Variants in CWC27 observed in about 807,000 individuals in gnomAD.
CWC27 encodes the protein CWC27 spliceosome associated cyclophilin.
In CWC27, 47 loss-of-function variants were observed where a neutral mutation model predicts 63.6. The observed-to-expected ratio is 0.74, with a 90% CI of 0.58 to 0.94. CWC27 has a LOEUF of 0.94. CWC27 is among the 40% of genes least tolerant of loss of function. The probability of loss-of-function intolerance (pLI) is 0.00; values close to 1 mark genes in which losing one functional copy is unlikely to be tolerated. For synonymous variants in CWC27, 175 were observed against 179.8 expected (o/e 0.97, Z 0.22); for missense variants, 495 against 554.3 (o/e 0.89, Z 1.07).
chr5:64,880,225 G>A (rs1746903681), intron 10 of CWC27, among the ~76,000 whole-genome samples: 1 of 151,994 alleles, frequency 6.6e-6, no homozygotes, highest in African/African-American at 2.4e-5. Context: ...TATTATTGAT[G>A]TACATGGCTT....
rs547939648 is a variant in CWC27, at chr5:64,910,096, C to T, written c.1042+24550C>T. The stretch of plus-strand genomic sequence containing the variant: ...ACCTTTGATCTTTGATGTTGGTGAC[C>T]TACAGATGGGATTTTGGTGTGGATG... On this transcript the variant is annotated intron_variant, in intron 11 of 13. Transcript: ENST00000381070. Among the ~76,000 whole-genome samples, 17 of 152,180 alleles carry T rather than the reference C, an allele frequency of 1.1e-4. 1 individual carries two copies. In the East Asian group the frequency reaches 3.3e-3, roughly 29 times the overall value.
intron 11 of CWC27, among the ~76,000 whole-genome samples, chr5:64,970,942 A>G (rs940123897): frequency 2.9e-5 from 4 of 138,758 alleles, no homozygotes; most frequent in East Asian, 2.1e-4. Flanking sequence ...CAAAGAGAAG[A>G]GAGAGAGAGA....
chr5:64,877,052 C>A (rs927340907), intron 10 of CWC27, among the ~76,000 whole-genome samples: 3 of 151,888 alleles, frequency 2.0e-5, no homozygotes, highest in African/African-American at 7.3e-5. Flanking sequence ...CAGCTTAAAT[C>A]CCTCTACTGG....
intron 11 of CWC27, among the ~76,000 whole-genome samples, chr5:64,950,429 T>C (rs1417477237): frequency 1.3e-5 from 2 of 151,912 alleles, no homozygotes; most frequent in Non-Finnish European, 2.9e-5. Context: ...AAACATTTGA[T>C]GCTTGTTATA....
chr5:64,862,140 T>C (rs1275882587), intron 10 of CWC27, among the ~76,000 whole-genome samples: 1 of 152,152 alleles, frequency 6.6e-6, no homozygotes, highest in Non-Finnish European at 1.5e-5. Context: ...CAAAATGATA[T>C]CAGCAAACCC....
intron 11 of CWC27, among the ~76,000 whole-genome samples, chr5:64,965,467 A>G (rs1748996165): frequency 6.6e-6 from 1 of 152,246 alleles, no homozygotes; most frequent in Non-Finnish European, 1.5e-5. Flanking sequence ...GTTTGGTTTC[A>G]TTCTCAGTCC....
intron 13 of CWC27, among the ~76,000 whole-genome samples, chr5:65,000,470 A>C (rs1191051066): frequency 6.6e-6 from 1 of 152,030 alleles, no homozygotes; most frequent in Admixed American, 6.6e-5. Context: ...TCTTATATTT[A>C]AGTCTTTAAT....
At chr5:64,785,656 A>G in intron 5 of CWC27, 77 bp downstream of exon 5, 1 of 924,878 alleles carries the variant, frequency 1.1e-6, no homozygotes, top group Non-Finnish European at 1.7e-6. Flanking sequence ...TTTTTAAACT[A>G]TTGGATTAAG....
chr5:64,775,103 T>C (rs1380698334), intron 2 of CWC27, among the ~76,000 whole-genome samples: 1 of 152,206 alleles, frequency 6.6e-6, no homozygotes, highest in Non-Finnish European at 1.5e-5. Flanking sequence ...CCTCTAGTTC[T>C]CTATTGTCAT....
rs148938423 is a variant in CWC27, at chr5:64,868,105, T to C, written c.939-17338T>C. On this transcript the variant is annotated intron_variant, in intron 10 of 13. Transcript: ENST00000381070. ...CAGCCACAAAGCTAATAGCAATACA[T>C]TGAAAATTCATCAAGAAATTGCCAA... 1.5e-3 allele frequency among the ~76,000 whole-genome samples: 227 copies of C among 152,158 alleles called. 1 individual carries two copies. The highest frequency in any genetic ancestry group is 5.0e-3 in the African/African-American group (206 of 41,540).
chr5:64,866,135 G>A (rs1746526707), intron 10 of CWC27, among the ~76,000 whole-genome samples: 1 of 152,022 alleles, frequency 6.6e-6, no homozygotes, highest in African/African-American at 2.4e-5. Flanking sequence ...CTATAAAGCA[G>A]ATGATAAGCC....
At chr5:64,808,406 A>G in intron 10 of CWC27, 4 of 909,184 alleles carry the variant, frequency 4.4e-6, no homozygotes, top group Non-Finnish European at 5.3e-6. Context: ...TAGGTTACAT[A>G]TACATTTTTT....
At chr5:65,010,828 C>T (rs1047120752) in intron 13 of CWC27, among the ~76,000 whole-genome samples, 2 of 152,086 alleles carry the variant, frequency 1.3e-5, no homozygotes, top group African/African-American at 4.8e-5. Flanking sequence ...AACTTATTAC[C>T]CTTTTCTCTG....
At chr5:64,931,211 CAAACT>C (rs571552152) in intron 11 of CWC27, among the ~76,000 whole-genome samples, 27 of 151,798 alleles carry the variant, frequency 1.8e-4, no homozygotes, top group Non-Finnish European at 3.7e-4. Flanking sequence ...TTATGAAACA[CAAACT>C]AAAGTATTAA....
At chr5:64,968,127 A>G (rs1329354151) in intron 11 of CWC27, among the ~76,000 whole-genome samples, 1 of 152,116 alleles carries the variant, frequency 6.6e-6, no homozygotes, top group Non-Finnish European at 1.5e-5. Flanking sequence ...ATGGCCAACA[A>G]GCACATAAAA....
At chr5:64,971,838 C>T (rs1334929618) in intron 12 of CWC27, 26 bp downstream of exon 12, 5 of 1,445,092 alleles carry the variant, frequency 3.5e-6, no homozygotes, top group African/African-American at 1.4e-5. Context: ...CAAATCCATA[C>T]AGAACTTATT....
intron 12 of CWC27, among the ~76,000 whole-genome samples, chr5:64,973,003 A>C (rs1749153484): frequency 6.6e-6 from 1 of 152,204 alleles, no homozygotes; most frequent in Non-Finnish European, 1.5e-5. Context: ...TCCTAAGGAA[A>C]TGATTTGTCA....
rs186654219 is a variant in CWC27, at chr5:64,819,753, G to A, written c.938+15367G>A. Among the ~76,000 whole-genome samples, 1,401 of 152,090 alleles carry A rather than the reference G, an allele frequency of 9.2e-3. 11 individuals are homozygous for A. Among genetic ancestry groups the A allele is most frequent in the Middle Eastern group, 0.027 (8 of 294 alleles). On this transcript the variant is annotated intron_variant, in intron 10 of 13. Coordinates refer to ENST00000381070, the MANE Select transcript of CWC27 (RefSeq NM_005869.4). ...GTAGCGTGAGAATGGACTAATACGG[G>A]GACAAAACACCTATTATAGTACTTA...
chr5:64,946,105 T>G (rs1486210916), intron 11 of CWC27, among the ~76,000 whole-genome samples: 1 of 152,158 alleles, frequency 6.6e-6, no homozygotes, highest in Non-Finnish European at 1.5e-5. Flanking sequence ...CAGCAACTGT[T>G]TAAGCCAAAA....
Sources: gnomAD v4.1 joint callset for allele counts (sites outside exome capture counted in the v4.1 genomes callset) on GRCh38, gnomAD v4.1.1 for gene constraint, MANE v1.5 for transcripts, NCBI Gene and HGNC (gene_info 2026-07-23, HGNC 2026-07-21) for gene names.